SBNO2: variants seen among roughly 807,000 people sequenced by gnomAD.
The protein encoded by SBNO2 is protein strawberry notch homolog 2.
In SBNO2, 89 loss-of-function variants were observed where a neutral mutation model predicts 146.3. That is an observed-to-expected ratio of 0.61 (90% CI 0.51 to 0.73). The LOEUF is 0.73. Among genes scored for constraint, SBNO2 ranks in the 30% least tolerant of loss-of-function variants. SBNO2 has a pLI of 0.00. For missense variants in SBNO2, 2,092 were observed against 2,003.7 expected, an observed-to-expected ratio of 1.04 and a Z score of -0.84; for synonymous variants, 1,147 against 892.6, an observed-to-expected ratio of 1.29 and a Z score of -5.08.
chr19:1,125,749 G>C (rs1048883175), intron 5 of SBNO2, among the ~76,000 whole-genome samples: 1 of 152,194 alleles, frequency 6.6e-6, no homozygotes, highest in Non-Finnish European at 1.5e-5. Context: ...AGGCCTGTGG[G>C]AGGCAGAGGC....
chr19:1,132,372 G>A (rs1254355540), intron 4 of SBNO2: 1 of 806,450 alleles, frequency 1.2e-6, no homozygotes, highest in Middle Eastern at 6.1e-4. Context: ...TACCGGCAGT[G>A]CGAGGAGAAT....
intron 4 of SBNO2, among the ~76,000 whole-genome samples, chr19:1,134,940 G>A (rs2080071670): frequency 6.6e-6 from 1 of 151,652 alleles, no homozygotes; most frequent in African/African-American, 2.4e-5. Context: ...CAGCTACTCG[G>A]GAGGCTGAGG....
Position 1,109,683 on chromosome 19 carries a change from C to G in SBNO2, c.3123G>C (p.Lys1041Asn). The part of the protein sequence containing the change: ...HPQDGQVVFY[K>N]ISVDRGLKWE... ...AGGGGCTGTGGGGCTTCCTGCTGAC[C>G]TTGTAGAAGACCACCTGCCCGTCCT... Residue 1041 changes from lysine (K) to asparagine (N), a missense_variant and splice_region_variant, in exon 27 of 32, where the codon AAG becomes AAC. Transcript: ENST00000361757. The surrounding 1 kb of genome is among the most constrained non-coding windows in gnomAD (Gnocchi z 4.2). 1 of 1,607,382 alleles carries G rather than the reference C, an allele frequency of 6.2e-7. No homozygotes were observed. Among genetic ancestry groups the G allele is most frequent in the Non-Finnish European group, 8.5e-7 (1 of 1,176,416 alleles).
At chr19:1,159,674 A>G (rs1209972599) in intron 1 of SBNO2, among the ~76,000 whole-genome samples, 4 of 49,836 alleles carry the variant, frequency 8.0e-5, no homozygotes, top group Non-Finnish European at 1.5e-4. Context: ...GTAGGGAAAC[A>G]GTGGGGGATA....
At chr19:1,113,814 G>A in intron 18 of SBNO2, 110 bp from the exon 19 acceptor site, 3 of 1,328,678 alleles carry the variant, frequency 2.3e-6, no homozygotes, top group Non-Finnish European at 2.9e-6. Flanking sequence ...GGGCAACCCT[G>A]AGGGACGGCA....
In SBNO2 at chr19:1,144,269, C is replaced by CA. The variant is rs2080165883; in HGVS notation, c.279+3039dup. ...CATCCCACACTCAGCACTGGGGGAC[C>CA]ACGCGGCCCGGCCCACACTTGGCAC... is the stretch of plus-strand genomic sequence containing the variant. On this transcript the variant is annotated intron_variant, in intron 4 of 31. Coordinates refer to ENST00000361757, the MANE Select transcript of SBNO2 (RefSeq NM_014963.3). The surrounding 1 kb of genome is among the most constrained non-coding windows in gnomAD (Gnocchi z 4.1). Among the ~76,000 whole-genome samples, 1 of 152,148 alleles carries CA rather than the reference C, an allele frequency of 6.6e-6. No homozygotes were observed. The highest frequency in any genetic ancestry group is 1.9e-4 in the East Asian group (1 of 5,194).
intron 4 of SBNO2, among the ~76,000 whole-genome samples, chr19:1,142,243 G>A (rs562714894): frequency 1.1e-3 from 9 of 7,862 alleles, no homozygotes; most frequent in East Asian, 4.3e-3. Context: ...CCTCCCTCAC[G>A]ATCAACCCTC....
In SBNO2 at chr19:1,112,588, C is replaced by A. The variant is rs534670611; in HGVS notation, c.2380-51G>T. On this transcript the variant is annotated intron_variant, in intron 20 of 31. Coordinates refer to ENST00000361757, the MANE Select transcript of SBNO2 (RefSeq NM_014963.3). The surrounding 1 kb of genome is among the most constrained non-coding windows in gnomAD (Gnocchi z 5.9). ...ACGGTTGGTGCAAGGCCCGCCCCAG[C>A]GTTGCCGCCACCTCCTCACCCACTA... 2.0e-6 allele frequency: 3 copies of A among 1,524,362 alleles called. No homozygotes were observed. The highest frequency in any genetic ancestry group is 2.4e-5 in the East Asian group (1 of 42,010). 94.4% of individuals were successfully genotyped at this position (1,524,362 alleles called of 1,614,324 possible). A position where few individuals can be genotyped will look rare whatever the true frequency, so the allele number is the denominator to read the frequency against.
intron 1 of SBNO2, among the ~76,000 whole-genome samples, chr19:1,172,997 T>A (rs1401902165): frequency 6.6e-6 from 1 of 151,542 alleles, no homozygotes; most frequent in Non-Finnish European, 1.5e-5. Flanking sequence ...GAGATTTTTT[T>A]TTTTTTTTTT....
chr19:1,115,995 G>A (rs1237197364), intron 17 of SBNO2, 26 bp downstream of exon 17: 3 of 1,576,712 alleles, frequency 1.9e-6, no homozygotes, highest in East Asian at 2.3e-5. Flanking sequence ...GCAGGGGTGG[G>A]TGGGGCCATG....
chr19:1,163,948 C>G (rs2080375761), intron 1 of SBNO2, among the ~76,000 whole-genome samples: 1 of 152,210 alleles, frequency 6.6e-6, no homozygotes, highest in South Asian at 2.1e-4. Flanking sequence ...GCTTCTCTCA[C>G]AGGGAAAGGT....
intron 1 of SBNO2, among the ~76,000 whole-genome samples, chr19:1,166,737 G>A (rs889634767): frequency 6.6e-6 from 1 of 152,198 alleles, no homozygotes; most frequent in Admixed American, 6.5e-5. Flanking sequence ...TTTCTCCTGA[G>A]CAGACGTTAA....
At chr19:1,148,304 C>G (rs917404160) in intron 3 of SBNO2, among the ~76,000 whole-genome samples, 4 of 152,010 alleles carry the variant, frequency 2.6e-5, no homozygotes, top group Non-Finnish European at 4.4e-5. Context: ...CCACTCCACT[C>G]CCGGGCCACA....
At chr19:1,145,340 G>A (rs1281755486) in intron 4 of SBNO2, among the ~76,000 whole-genome samples, 3 of 151,564 alleles carry the variant, frequency 2.0e-5, no homozygotes, top group African/African-American at 4.9e-5. Context: ...AGGCATGGTG[G>A]TGCATGCCTG....
intron 24 of SBNO2, 110 bp downstream of exon 24, chr19:1,111,396 G>T: frequency 1.3e-6 from 1 of 792,924 alleles, no homozygotes; most frequent in Non-Finnish European, 2.1e-6. Flanking sequence ...TGTGGGGAGG[G>T]GTCACTCAAC....
chr19:1,118,877 C>CA lies in SBNO2; in HGVS notation c.1527+133dup, dbSNP rs199989931. ...ACAGCACGAGACTGTCTCAAAAAAA[C>CA]AACAAAAAAAAAACCCCAGGACAGG... On this transcript the variant is annotated intron_variant, in intron 14 of 31. Transcript: ENST00000361757. The CA allele has an allele frequency of 0.011, 10,062 of 925,228 alleles. 777 individuals are homozygous for CA. In the African/African-American group the frequency reaches 0.15, roughly 14 times the overall value. 57.3% of individuals were successfully genotyped at this position (925,228 alleles called of 1,614,324 possible). A position where few individuals can be genotyped will look rare whatever the true frequency, so the allele number is the denominator to read the frequency against.
Position 1,132,007 on chromosome 19 carries a change from G to T in SBNO2, c.280-4242C>A. The T allele has an allele frequency of 3.6e-6, 4 of 1,096,208 alleles. No homozygotes were observed. In the Middle Eastern group the frequency reaches 6.4e-4, roughly 175 times the overall value. The allele number at this position is 1,096,208 out of a possible 1,614,324, so 67.9% of individuals were successfully genotyped here. On this transcript the variant is annotated intron_variant, in intron 4 of 31. Coordinates refer to ENST00000361757, the MANE Select transcript of SBNO2 (RefSeq NM_014963.3). ...GATGAGATGCCGGCTGCTCCGGCAG[G>T]GGGCCCGGCCGTCCTGAATGGGGTC... is the stretch of plus-strand genomic sequence containing the variant.
At chr19:1,119,656 G>T in intron 12 of SBNO2, 35 bp from the exon 13 acceptor site, 5 of 1,553,950 alleles carry the variant, frequency 3.2e-6, no homozygotes, top group Non-Finnish European at 4.4e-6. Flanking sequence ...TCCCCAACCC[G>T]GGAGGGCCCA....
rs979453285 is a variant in SBNO2, at chr19:1,173,127, A to AC, written c.-127+1044dup. Among the ~76,000 whole-genome samples, 29 of 150,348 alleles carry AC rather than the reference A, an allele frequency of 1.9e-4. No individual in the cohort carries two copies. Among genetic ancestry groups the AC allele is most frequent in the African/African-American group, 6.4e-4 (26 of 40,616 alleles). On this transcript the variant is annotated intron_variant, in intron 1 of 31. Transcript: ENST00000361757. This position sits in a 1 kb window ranked among gnomAD's most constrained non-coding sequence, Gnocchi z 4.7. ...GGGCTCTCCACAACGCCTGCCCCCC[A>AC]CGCCCCAGGTCAGTCTGGGGATTGG...
Sources: allele counts gnomAD v4.1 joint callset (sites outside exome capture counted in the v4.1 genomes callset), GRCh38; gene constraint gnomAD v4.1.1; non-coding constraint Gnocchi (gnomAD v3.1); transcripts MANE v1.5; gene names NCBI Gene and HGNC (gene_info 2026-07-23, HGNC 2026-07-21).